GRK4: variants seen among roughly 807,000 people sequenced by gnomAD.
GRK4 encodes the protein G protein-coupled receptor kinase 2-like.
A neutral mutation model predicts 77.9 loss-of-function variants in GRK4; 73 were observed. The ratio of observed to expected loss-of-function variants is 0.94; its 90% CI spans 0.78 to 1.14. The LOEUF is 1.14. Ranked by LOEUF, GRK4 falls within the 50% of genes most tolerant of loss-of-function variation. The pLI is 0.00. For synonymous variants in GRK4, 257 were observed against 254.4 expected (o/e 1.01, Z -0.10); for missense variants, 729 against 700.2 (o/e 1.04, Z -0.46).
Position 2,964,020 on chromosome 4 carries a change from C to A in GRK4, c.-51C>A. 1.3e-6 allele frequency: 2 copies of A among 1,566,534 alleles called. No homozygotes were observed. Among genetic ancestry groups the A allele is most frequent in the Non-Finnish European group, 1.7e-6 (2 of 1,146,518 alleles). On this transcript the variant is annotated 5_prime_UTR_variant, in exon 1 of 16. Transcript: ENST00000398052. ...GGCGGCGTCTCCTCCTGTTCCGCCTCCTCAGTCTCCTCGGTCTCGCAGAAT... is the reference window on the plus strand; with the variant it reads ...GGCGGCGTCTCCTCCTGTTCCGCCTACTCAGTCTCCTCGGTCTCGCAGAAT...
chr4:3,021,632 C>T (rs1482842815), intron 9 of GRK4, among the ~76,000 whole-genome samples: 1 of 152,108 alleles, frequency 6.6e-6, no homozygotes, highest in African/African-American at 2.4e-5. Context: ...CAGAGGTGGT[C>T]GCCTGAGTTG....
At chr4:2,989,159 C>T (rs944294234) in intron 3 of GRK4, among the ~76,000 whole-genome samples, 19 of 151,670 alleles carry the variant, frequency 1.3e-4, no homozygotes, top group South Asian at 4.2e-4. Flanking sequence ...CCAGCCTGGG[C>T]GACAGAGCAA....
intron 4 of GRK4, among the ~76,000 whole-genome samples, chr4:2,998,469 A>G (rs1159343596): frequency 1.3e-5 from 2 of 152,210 alleles, no homozygotes; most frequent in Non-Finnish European, 2.9e-5. Flanking sequence ...ACATACACAC[A>G]TAAAGAAAAA....
At chr4:2,994,509 C>T (rs926899834) in intron 4 of GRK4, among the ~76,000 whole-genome samples, 4 of 152,240 alleles carry the variant, frequency 2.6e-5, no homozygotes, top group Non-Finnish European at 5.9e-5. Context: ...CTACACCCGG[C>T]TCCATTTATC....
chr4:2,982,817 G>T (rs1190069510), intron 1 of GRK4, among the ~76,000 whole-genome samples: 1 of 152,158 alleles, frequency 6.6e-6, no homozygotes, highest in East Asian at 1.9e-4. Context: ...GGAGGAACAG[G>T]TCACCCTTTC....
intron 1 of GRK4, among the ~76,000 whole-genome samples, chr4:2,983,972 A>G (rs1723544285): frequency 6.6e-6 from 1 of 152,090 alleles, no homozygotes. Context: ...GAACTCCCTC[A>G]TTATCGCAGG....
chr4:3,029,203 C>T lies in GRK4; in HGVS notation c.1063C>T (p.Pro355Ser). ...GRVGTVGYMA[P>S]EVVNNEKYTF... ...CATTTCCTGTATTTGTTATGTAGCA[C>T]CTGAAGTTGTCAATAATGAAAAGTA... The change falls in exon 12 of 16, where the codon CCT becomes TCT. Residue 355 changes from proline (P) to serine (S), a missense_variant and splice_region_variant. Coordinates refer to ENST00000398052, the MANE Select transcript of GRK4 (RefSeq NM_182982.3). The T allele has an allele frequency of 1.2e-6, 2 of 1,608,284 alleles. No homozygotes were observed. Among genetic ancestry groups the T allele is most frequent in the Non-Finnish European group, 1.7e-6 (2 of 1,176,094 alleles).
intron 1 of GRK4, chr4:2,969,344 T>A (rs2109386256): frequency 6.6e-6 from 1 of 151,690 alleles, no homozygotes; most frequent in East Asian, 1.9e-4. Flanking sequence ...CTGGCCAAAT[T>A]TTCTTTTCTT....
intron 1 of GRK4, among the ~76,000 whole-genome samples, chr4:2,977,822 A>G (rs894257730): frequency 2.0e-5 from 3 of 152,252 alleles, no homozygotes; most frequent in African/African-American, 7.2e-5. Flanking sequence ...TCCAGATCAC[A>G]GTCAGATGGC....
intron 7 of GRK4, among the ~76,000 whole-genome samples, chr4:3,011,856 AT>A (rs1440931799): frequency 7.9e-5 from 12 of 152,208 alleles, no homozygotes; most frequent in Admixed American, 7.9e-4. Flanking sequence ...AGTGAGCACA[AT>A]GGTAAAGGAA....
chr4:3,034,546 T>C (rs919388351), intron 12 of GRK4, among the ~76,000 whole-genome samples: 6 of 152,166 alleles, frequency 3.9e-5, no homozygotes, highest in South Asian at 2.1e-4. Context: ...TGTGTTGCTT[T>C]TGAGCACAGC....
intron 5 of GRK4, among the ~76,000 whole-genome samples, chr4:3,006,765 CAAAA>C (rs932465398): frequency 6.7e-6 from 1 of 149,720 alleles, no homozygotes; most frequent in African/African-American, 2.5e-5. Flanking sequence ...AGAGCCAGAC[CAAAA>C]AAAAAGAAAA....
chr4:2,964,527 A>G (rs1249577135), intron 1 of GRK4, among the ~76,000 whole-genome samples: 1 of 152,168 alleles, frequency 6.6e-6, no homozygotes, highest in Non-Finnish European at 1.5e-5. Flanking sequence ...GGGACAAAGA[A>G]TAGCAGCCTG....
Position 3,038,470 on chromosome 4 carries a change from C to T in GRK4, c.1640C>T (p.Ser547Phe), listed in dbSNP as rs1741464839. The T allele has an allele frequency of 4.3e-6, 7 of 1,613,902 alleles. No individual in the cohort carries two copies. The highest frequency in any genetic ancestry group is 1.3e-5 in the African/African-American group (1 of 74,880). ...DLDKNIHTPV[S>F]RPNRGFFYRL... ...GACAAGAACATACATACCCCGGTTT[C>T]CAGACCAAACAGAGGCTTCTTCTAT... The change falls in exon 15 of 16, where the codon TCC becomes TTC. Residue 547 changes from serine to phenylalanine, a missense_variant. Physicochemically the swap from Ser to Phe is radical, Grantham distance 155. Transcript: ENST00000398052.
At chr4:2,968,811 C>T (rs1718567920) in intron 1 of GRK4, among the ~76,000 whole-genome samples, 2 of 152,102 alleles carry the variant, frequency 1.3e-5, no homozygotes, top group Admixed American at 1.3e-4. Flanking sequence ...ATAATCAGGT[C>T]TCCACGGTCA....
intron 3 of GRK4, among the ~76,000 whole-genome samples, chr4:2,991,808 G>A (rs78481741): frequency 0.013 from 1,955 of 152,238 alleles, 46 homozygotes; most frequent in African/African-American, 0.045. Flanking sequence ...CACTGCTCCC[G>A]GCCCTGAGAT....
chr4:3,027,304 C>T (rs1737855148), intron 10 of GRK4, among the ~76,000 whole-genome samples: 1 of 152,194 alleles, frequency 6.6e-6, no homozygotes, highest in Non-Finnish European at 1.5e-5. Context: ...ACCTTGGCCT[C>T]CCAAAGTGCT....
In GRK4 at chr4:2,964,017, CCTCCTCAGT is replaced by C. The variant is rs1218086902; in HGVS notation, c.-47_-39del. 6.4e-6 allele frequency: 10 copies of C among 1,551,494 alleles called. No individual in the cohort carries two copies. The highest frequency in any genetic ancestry group is 1.4e-5 in the African/African-American group (1 of 73,890). On this transcript the variant is annotated 5_prime_UTR_variant, in exon 1 of 16. Coordinates refer to ENST00000398052, the MANE Select transcript of GRK4 (RefSeq NM_182982.3). Reference sequence around the variant, plus strand: ...GGCGGCGGCGTCTCCTCCTGTTCCGCCTCCTCAGTCTCCTCGGTCTCGCAGAATCCGCCG... The same window carrying C: ...GGCGGCGGCGTCTCCTCCTGTTCCGCCTCCTCGGTCTCGCAGAATCCGCCG...
chr4:2,978,632 T>C (rs1040844271), intron 1 of GRK4, among the ~76,000 whole-genome samples: 1 of 152,126 alleles, frequency 6.6e-6, no homozygotes, highest in African/African-American at 2.4e-5. Context: ...GAGCATCTTA[T>C]CTCAATTGCT....
Sources: gnomAD v4.1 joint callset for allele counts (sites outside exome capture counted in the v4.1 genomes callset) on GRCh38, gnomAD v4.1.1 for gene constraint, MANE v1.5 for transcripts, NCBI Gene and HGNC (gene_info 2026-07-23, HGNC 2026-07-21) for gene names.